Variants in CLXN observed in about 807,000 individuals in gnomAD.
CLXN encodes the protein EF-hand calcium binding domain 1.
the CLXN span, among the ~76,000 whole-genome samples, chr8:48,718,741 A>AAATT: frequency 1.3e-5 from 2 of 152,124 alleles, no homozygotes; most frequent in African/African-American, 2.4e-5. Flanking sequence ...GGGAATTTAA[A>AAATT]AATTATCTCA....
At chr8:48,719,394 G>GA in the CLXN span, among the ~76,000 whole-genome samples, 1 of 151,636 alleles carries the variant, frequency 6.6e-6, no homozygotes, top group Non-Finnish European at 1.5e-5. Flanking sequence ...TAAAAAAATA[G>GA]AAAAAAAGGG....
chr8:48,735,043 C>T, the CLXN span: 5 of 1,605,868 alleles, frequency 3.1e-6, no homozygotes, highest in Non-Finnish European at 4.3e-6. Flanking sequence ...GGGGTGGGAC[C>T]CAGGCTCGGT....
the CLXN span, chr8:48,735,166 G>C: frequency 6.2e-7 from 1 of 1,613,886 alleles, no homozygotes; most frequent in Non-Finnish European, 8.5e-7. Context: ...GGCGCTCAGA[G>C]AATCGGGCCG....
the CLXN span, chr8:48,713,746 G>A: frequency 6.6e-6 from 1 of 152,138 alleles, no homozygotes; most frequent in Non-Finnish European, 1.5e-5. Context: ...GAATGTTTTG[G>A]ATGATTTTAT....
chr8:48,716,573 A>G, the CLXN span: 2 of 152,288 alleles, frequency 1.3e-5, no homozygotes, highest in Non-Finnish European at 2.9e-5. Flanking sequence ...AATCAGGAAA[A>G]CAACACGTGA....
At chr8:48,734,989 A>C in the CLXN span, 1 of 1,307,944 alleles carries the variant, frequency 7.6e-7, no homozygotes, top group African/African-American at 1.5e-5. Context: ...TAGCCCACAG[A>C]GTCCCAGCAG....
the CLXN span, chr8:48,731,466 A>T: frequency 6.2e-7 from 1 of 1,613,284 alleles, no homozygotes; most frequent in Non-Finnish European, 8.5e-7. Flanking sequence ...CCAAGTCATA[A>T]AAAAGCTTTA....
At chr8:48,717,439 A>C in the CLXN span, among the ~76,000 whole-genome samples, 1 of 152,210 alleles carries the variant, frequency 6.6e-6, no homozygotes, top group Non-Finnish European at 1.5e-5. Flanking sequence ...ATACCTGCAA[A>C]ATTATACTTT....
chr8:48,731,590 A>G, the CLXN span: 1 of 1,091,350 alleles, frequency 9.2e-7, no homozygotes, highest in Non-Finnish European at 1.3e-6. Context: ...CAGACAAACA[A>G]CGTCAAAGAC....
chr8:48,713,045 A>C, the CLXN span, among the ~76,000 whole-genome samples: 2 of 151,512 alleles, frequency 1.3e-5, no homozygotes, highest in African/African-American at 4.9e-5. Context: ...AGTTTACTTG[A>C]GATATATCTG....
At chr8:48,723,111 A>G in the CLXN span, among the ~76,000 whole-genome samples, 3 of 152,190 alleles carry the variant, frequency 2.0e-5, no homozygotes, top group Admixed American at 1.3e-4. Flanking sequence ...ACAGTATTAT[A>G]TATTTGAAAT....
At chr8:48,724,727 T>C in the CLXN span, 184 of 1,599,056 alleles carry the variant, frequency 1.2e-4, 1 homozygote, top group African/African-American at 1.9e-3. Context: ...TGAGACAATA[T>C]AGACATTTAG....
the CLXN span, among the ~76,000 whole-genome samples, chr8:48,727,802 C>T: frequency 2.0e-5 from 3 of 152,072 alleles, no homozygotes; most frequent in African/African-American, 4.8e-5. Context: ...ACAATCTAGG[C>T]TAGGTAACAT....
chr8:48,720,765 C>A, the CLXN span, among the ~76,000 whole-genome samples: 1 of 152,160 alleles, frequency 6.6e-6, no homozygotes, highest in Non-Finnish European at 1.5e-5. Flanking sequence ...CTTACAGCCC[C>A]TCCCCTTTTG....
At chr8:48,722,827 A>G in the CLXN span, among the ~76,000 whole-genome samples, 1 of 152,172 alleles carries the variant, frequency 6.6e-6, no homozygotes, top group Non-Finnish European at 1.5e-5. Flanking sequence ...GAAGGAAATT[A>G]TGCCATTTCC....
chr8:48,731,241 G>A, the CLXN span: 1 of 1,141,916 alleles, frequency 8.8e-7, no homozygotes, highest in Admixed American at 3.2e-5. Context: ...AATGACACTG[G>A]GAATGCAAAA....
At chr8:48,713,495 T>C in the CLXN span, 4 of 152,226 alleles carry the variant, frequency 2.6e-5, no homozygotes, top group East Asian at 5.8e-4. Flanking sequence ...CTCCAGATGG[T>C]TGTCTTCATA....
At chr8:48,735,048 C>T in the CLXN span, 1 of 1,607,530 alleles carries the variant, frequency 6.2e-7, no homozygotes, top group Non-Finnish European at 8.5e-7. Context: ...GGGACCCAGG[C>T]TCGGTCCAGG....
the CLXN span, among the ~76,000 whole-genome samples, chr8:48,718,526 C>T: frequency 0.013 from 2,013 of 152,182 alleles, 49 homozygotes; most frequent in African/African-American, 0.045. Context: ...TCTTCCCAAG[C>T]ATACATGTAA....
Sources: allele counts gnomAD v4.1 joint callset (sites outside exome capture counted in the v4.1 genomes callset), GRCh38; gene constraint gnomAD v4.1.1; transcripts MANE v1.5; gene names NCBI Gene and HGNC (gene_info 2026-07-23, HGNC 2026-07-21).